Variants in B3GLCT observed in about 807,000 individuals in gnomAD.
The protein encoded by B3GLCT is beta-1,3-glucosyltransferase.
Under a neutral mutation model 63.4 loss-of-function variants are expected in B3GLCT, and 65 were observed. The observed-to-expected ratio is 1.03, with a 90% confidence interval of 0.84 to 1.26. The LOEUF is 1.26. Ranked by LOEUF, B3GLCT falls within the 50% of genes most tolerant of loss-of-function variation. The probability of loss-of-function intolerance (pLI) is 0.00; values close to 1 mark genes in which losing one functional copy is unlikely to be tolerated. For synonymous variants in B3GLCT, 233 were observed against 219.2 expected (o/e 1.06, Z -0.55); for missense variants, 577 against 604.8 (o/e 0.95, Z 0.48).
intron 4 of B3GLCT, among the ~76,000 whole-genome samples, chr13:31,239,516 C>T (rs1011736899): frequency 1.3e-5 from 2 of 152,096 alleles, no homozygotes; most frequent in African/African-American, 4.8e-5. Flanking sequence ...GATTTGACAT[C>T]TGTTTTTTTG....
At chr13:31,244,843 C>T (rs1871123339) in intron 4 of B3GLCT, among the ~76,000 whole-genome samples, 1 of 152,124 alleles carries the variant, frequency 6.6e-6, no homozygotes, top group African/African-American at 2.4e-5. Context: ...ATTAAGATGA[C>T]TTTGGCTTAA....
intron 6 of B3GLCT, among the ~76,000 whole-genome samples, chr13:31,256,105 C>T (rs1029591028): frequency 2.6e-5 from 4 of 151,616 alleles, no homozygotes; most frequent in Admixed American, 6.6e-5. Flanking sequence ...CGAGAAAGAA[C>T]GCCATCAAAA....
chr13:31,324,000 G>C, intron 14 of B3GLCT, 105 bp downstream of exon 14: 1 of 1,397,416 alleles, frequency 7.2e-7, no homozygotes, highest in Non-Finnish European at 1.0e-6. Flanking sequence ...AACAGACTAA[G>C]AACTGTGTTG....
Position 31,286,829 on chromosome 13 carries a change from C to A in B3GLCT, c.1064+10C>A. ...ATGATACATTAATAAGGTAAGGAGT[C>A]ATTCTCATCCTAAATGGCTTTAAAT... On this transcript the variant is annotated intron_variant, in intron 12 of 14. Transcript: ENST00000343307. 1 of 1,558,412 alleles carries A rather than the reference C, an allele frequency of 6.4e-7. No homozygotes were observed. Among genetic ancestry groups the A allele is most frequent in the South Asian group, 1.1e-5 (1 of 88,124 alleles).
intron 1 of B3GLCT, among the ~76,000 whole-genome samples, chr13:31,201,809 A>C (rs1462729944): frequency 6.6e-6 from 1 of 152,236 alleles, no homozygotes; most frequent in Non-Finnish European, 1.5e-5. Context: ...AAGGACATTC[A>C]GAATGCACTA....
At chr13:31,282,446 T>G (rs542155667) in intron 10 of B3GLCT, among the ~76,000 whole-genome samples, 68 of 152,200 alleles carry the variant, frequency 4.5e-4, no homozygotes. Flanking sequence ...AAGACCATCC[T>G]GGCTAACACG....
chr13:31,207,441 T>G (rs1229126951), intron 1 of B3GLCT, among the ~76,000 whole-genome samples: 5 of 152,210 alleles, frequency 3.3e-5, no homozygotes, highest in Admixed American at 2.0e-4. Context: ...AAGACTGTTT[T>G]GAGTTGCAAT....
intron 12 of B3GLCT, among the ~76,000 whole-genome samples, chr13:31,296,641 A>C (rs1873956877): frequency 6.6e-6 from 1 of 152,240 alleles, no homozygotes. Context: ...ATCAAATACT[A>C]AGAAAAAGAA....
At chr13:31,200,411 G>C (rs1868586790) in intron 1 of B3GLCT, among the ~76,000 whole-genome samples, 1 of 149,924 alleles carries the variant, frequency 6.7e-6, no homozygotes, top group African/African-American at 2.4e-5. Flanking sequence ...CTGCCGCCCC[G>C]GCCCCAGACT....
intron 1 of B3GLCT, among the ~76,000 whole-genome samples, chr13:31,213,623 C>CCCCCCCCCCCCA (rs1869400534): frequency 1.4e-5 from 1 of 71,188 alleles, no homozygotes; most frequent in Non-Finnish European, 3.1e-5. Flanking sequence ...CCCACCCCAC[C>CCCCCCCCCCCCA]CCCCCCCCCC....
chr13:31,200,848 C>G (rs1366840667), intron 1 of B3GLCT, among the ~76,000 whole-genome samples: 1 of 152,132 alleles, frequency 6.6e-6, no homozygotes, highest in Non-Finnish European at 1.5e-5. Context: ...GGCGGGGAGG[C>G]TTGCTCCTGT....
At chr13:31,229,602 A>AGG (rs1056658459) in intron 4 of B3GLCT, among the ~76,000 whole-genome samples, 13 of 151,934 alleles carry the variant, frequency 8.6e-5, no homozygotes, top group African/African-American at 2.9e-4. Context: ...GAAAATTAGC[A>AGG]GGGCCTGGTG....
At chr13:31,230,822 A>G (rs1870341528) in intron 4 of B3GLCT, among the ~76,000 whole-genome samples, 1 of 152,082 alleles carries the variant, frequency 6.6e-6, no homozygotes, top group South Asian at 2.1e-4. Context: ...ATCCTGGCCA[A>G]TATGGTGAAA....
chr13:31,276,713 G>A lies in B3GLCT; in HGVS notation c.792G>A (p.Val264=). 1 of 1,611,536 alleles carries A rather than the reference G, an allele frequency of 6.2e-7. No homozygotes were observed. Among genetic ancestry groups the A allele is most frequent in the South Asian group, 1.1e-5 (1 of 91,020 alleles). The change falls in exon 10 of 15, where the codon GTG becomes GTA. Residue 264 remains valine, a synonymous_variant. Transcript: ENST00000343307. ...TTTCTTTTTTTTAGAGAAAGCCAGT[G>A]AAGAAGAAGGATATTTTTGTTGCAG... ...HSFLPLCRKP[V]KKKDIFVAVK...
chr13:31,262,966 G>T (rs1367233990), intron 7 of B3GLCT, among the ~76,000 whole-genome samples: 2 of 152,192 alleles, frequency 1.3e-5, no homozygotes, highest in Non-Finnish European at 2.9e-5. Flanking sequence ...CATGTGCTAT[G>T]AAGTCCCTTG....
At chr13:31,234,511 G>A (rs532500924) in intron 4 of B3GLCT, among the ~76,000 whole-genome samples, 1 of 152,300 alleles carries the variant, frequency 6.6e-6, no homozygotes, top group South Asian at 2.1e-4. Context: ...TGAGGCTGAG[G>A]TGGGAGGGGA....
rs1235922343 is a variant in B3GLCT, at chr13:31,329,996, G to A, written c.*328G>A. On this transcript the variant is annotated 3_prime_UTR_variant, in exon 15 of 15. Transcript: ENST00000343307. ...AAATGGTACCAGAAGTCCCTTTCCT[G>A]TTCTGTCTCTTCATTGTAATGGAAG... The A allele has an allele frequency of 2.9e-6, 1 of 342,206 alleles. No homozygotes were observed. Among genetic ancestry groups the A allele is most frequent in the Admixed American group, 4.6e-5 (1 of 21,966 alleles). 21.2% of individuals were successfully genotyped at this position (342,206 alleles called of 1,614,324 possible).
chr13:31,322,239 C>T (rs1875363143), intron 13 of B3GLCT, among the ~76,000 whole-genome samples: 1 of 152,256 alleles, frequency 6.6e-6, no homozygotes, highest in Non-Finnish European at 1.5e-5. Flanking sequence ...GAAGAGGCCG[C>T]AGGCAGTGTT....
At chr13:31,301,375 T>C (rs1033289308) in intron 12 of B3GLCT, among the ~76,000 whole-genome samples, 2 of 152,308 alleles carry the variant, frequency 1.3e-5, no homozygotes, top group Admixed American at 6.5e-5. Flanking sequence ...TTTAGCAAGT[T>C]CCATTAATAC....
Sources: gnomAD v4.1 joint callset for allele counts (sites outside exome capture counted in the v4.1 genomes callset) on GRCh38, gnomAD v4.1.1 for gene constraint, MANE v1.5 for transcripts, NCBI Gene and HGNC (gene_info 2026-07-23, HGNC 2026-07-21) for gene names.